The following RAB3B variants were observed in gnomAD, a reference collection of about 807,000 sequenced individuals.
RAB3B encodes the protein RAB3B, member RAS oncogene family.
Under a neutral mutation model 20.5 loss-of-function variants are expected in RAB3B, and 11 were observed. The ratio of observed to expected loss-of-function variants is 0.54; its 90% CI spans 0.34 to 0.89. The LOEUF is 0.89. Among genes scored for constraint, RAB3B ranks in the 40% least tolerant of loss-of-function variants. RAB3B has a pLI of 0.02. For missense variants in RAB3B, 225 were observed against 280.9 expected (o/e 0.80, Z 1.42); for synonymous variants, 99 against 106.3 (o/e 0.93, Z 0.42).
At chr1:51,970,025 G>A (rs1463350117) in intron 2 of RAB3B, among the ~76,000 whole-genome samples, 2 of 150,870 alleles carry the variant, frequency 1.3e-5, no homozygotes, top group Non-Finnish European at 3.0e-5. Context: ...ACCTGAGATC[G>A]CACCACTGTA....
At chr1:51,977,206 C>T (rs1685022878) in intron 1 of RAB3B, 89 bp from the exon 2 acceptor site, 1 of 915,958 alleles carries the variant, frequency 1.1e-6, no homozygotes. Flanking sequence ...ACCATTCACA[C>T]ACTCACTCCT....
rs4557910 is a variant in RAB3B at position 51,949,255 on chromosome 1, G to A, written c.229-11843C>T. ...TGATCTTTGCCTGGAATGCCCTTGC[G>A]TTCTATAATTCACAAACATATTCAA... is the stretch of plus-strand genomic sequence containing the variant. On this transcript the variant is annotated intron_variant, in intron 2 of 4. Coordinates refer to ENST00000371655, the MANE Select transcript of RAB3B (RefSeq NM_002867.4). 2.0e-4 allele frequency among the ~76,000 whole-genome samples: 31 copies of A among 152,240 alleles called. 1 individual carries two copies. The highest frequency in any genetic ancestry group is 7.5e-4 in the African/African-American group (31 of 41,500).
chr1:51,963,800 A>G (rs1280446072), intron 2 of RAB3B, among the ~76,000 whole-genome samples: 1 of 152,134 alleles, frequency 6.6e-6, no homozygotes, highest in African/African-American at 2.4e-5. Flanking sequence ...ATGTAGGTGC[A>G]CAGTCTGTGC....
At chr1:51,920,153 C>A in intron 4 of RAB3B, 39 bp from the exon 5 acceptor site, 1 of 1,554,952 alleles carries the variant, frequency 6.4e-7, no homozygotes, top group Admixed American at 1.8e-5. Context: ...CTTTTCCCAT[C>A]CCTTCTGCTG....
At chr1:51,963,407 G>C (rs1293094784) in intron 2 of RAB3B, among the ~76,000 whole-genome samples, 1 of 152,018 alleles carries the variant, frequency 6.6e-6, no homozygotes, top group Non-Finnish European at 1.5e-5. Context: ...CTCTTGCTTT[G>C]TTATACTCAG....
intron 2 of RAB3B, among the ~76,000 whole-genome samples, chr1:51,954,781 A>G (rs973901739): frequency 1.3e-5 from 2 of 152,230 alleles, no homozygotes. Flanking sequence ...TCAGATGTCC[A>G]CTTTTTCACA....
chr1:51,976,869 C>T (rs1685015959), intron 2 of RAB3B, 21 bp downstream of exon 2: 2 of 1,606,546 alleles, frequency 1.2e-6, no homozygotes, highest in South Asian at 1.1e-5. Context: ...GAAAATCCTG[C>T]CCAAGATTCC....
chr1:51,989,101 G>A (rs896339405), intron 1 of RAB3B, among the ~76,000 whole-genome samples: 10 of 24,050 alleles, frequency 4.2e-4, no homozygotes, highest in Middle Eastern at 0.033. Flanking sequence ...ACCTGTGCGC[G>A]CGCACACACA....
chr1:51,945,968 G>A (rs925319597), intron 2 of RAB3B, among the ~76,000 whole-genome samples: 1 of 152,150 alleles, frequency 6.6e-6, no homozygotes, highest in African/African-American at 2.4e-5. Flanking sequence ...ATGCCTACTT[G>A]GTAGGGTTTT....
chr1:51,975,875 C>G (rs1341854853), intron 2 of RAB3B, among the ~76,000 whole-genome samples: 1 of 152,012 alleles, frequency 6.6e-6, no homozygotes, highest in Non-Finnish European at 1.5e-5. Context: ...ACCTGTAGTC[C>G]CAGCTACTCG....
intron 2 of RAB3B, among the ~76,000 whole-genome samples, chr1:51,951,930 G>A (rs986112519): frequency 4.6e-5 from 7 of 152,218 alleles, no homozygotes; most frequent in African/African-American, 1.2e-4. Flanking sequence ...ATTCTAAAGC[G>A]CCTCCCTGCC....
intron 2 of RAB3B, among the ~76,000 whole-genome samples, chr1:51,967,521 C>CTTTTCTTTTTTTTTTTTTTTTT (rs1684870734): frequency 5.5e-5 from 2 of 36,496 alleles, no homozygotes; most frequent in East Asian, 3.0e-3. Flanking sequence ...TTTTCTTTTT[C>CTTTTCTTTTTTTTTTTTTTTTT]TTTTTTTTTT....
chr1:51,945,984 TATG>T (rs1358313616), intron 2 of RAB3B, among the ~76,000 whole-genome samples: 2 of 152,262 alleles, frequency 1.3e-5, no homozygotes, highest in African/African-American at 2.4e-5. Context: ...GTTTTCATAA[TATG>T]ATATTTTTTA....
intron 2 of RAB3B, among the ~76,000 whole-genome samples, chr1:51,947,308 A>T (rs890918254): frequency 6.6e-6 from 1 of 151,892 alleles, no homozygotes; most frequent in Non-Finnish European, 1.5e-5. Flanking sequence ...ATGTGGGAGG[A>T]TCACTTGAGG....
At chr1:51,929,067 C>T (rs1379279254) in intron 4 of RAB3B, among the ~76,000 whole-genome samples, 1 of 152,194 alleles carries the variant, frequency 6.6e-6, no homozygotes, top group African/African-American at 2.4e-5. Flanking sequence ...ACTTGCCTCC[C>T]CCAGCCACTG....
At chr1:51,969,495 C>T (rs534804198) in intron 2 of RAB3B, among the ~76,000 whole-genome samples, 3 of 152,300 alleles carry the variant, frequency 2.0e-5, no homozygotes, top group South Asian at 2.1e-4. Flanking sequence ...TTATAGCCAG[C>T]GGCCCACGTT....
intron 4 of RAB3B, among the ~76,000 whole-genome samples, chr1:51,923,741 T>G (rs934534509): frequency 6.8e-6 from 1 of 147,948 alleles, no homozygotes; most frequent in Non-Finnish European, 1.5e-5. Flanking sequence ...AAGTCAGAAC[T>G]GAGCAAAACT....
At chr1:51,984,201 T>C (rs1042515279) in intron 1 of RAB3B, among the ~76,000 whole-genome samples, 10 of 122,302 alleles carry the variant, frequency 8.2e-5, no homozygotes, top group Admixed American at 3.5e-4. Flanking sequence ...CAGGCGGAGG[T>C]TACAGTGAGC....
At chr1:51,920,436 A>T (rs1684156906) in intron 4 of RAB3B, among the ~76,000 whole-genome samples, 1 of 152,224 alleles carries the variant, frequency 6.6e-6, no homozygotes, top group Non-Finnish European at 1.5e-5. Flanking sequence ...AATTATTTCA[A>T]GGATCAGGCA....
Sources: gnomAD v4.1 joint callset for allele counts (sites outside exome capture counted in the v4.1 genomes callset) on GRCh38, gnomAD v4.1.1 for gene constraint, MANE v1.5 for transcripts, NCBI Gene and HGNC (gene_info 2026-07-23, HGNC 2026-07-21) for gene names.